The following CUL2 variants were observed in gnomAD, a reference collection of about 807,000 sequenced individuals.
CUL2 encodes the protein cullin 2.
CUL2 carries 22 observed loss-of-function variants against 110.2 expected under a neutral mutation model. The observed-to-expected ratio is 0.20, with a 90% CI of 0.14 to 0.28. The LOEUF is 0.28. Ranked by LOEUF, CUL2 falls within the 10% of genes least tolerant of loss-of-function variation. The pLI is 1.00. For missense variants in CUL2, 631 were observed against 905.5 expected, an observed-to-expected ratio of 0.70 and a Z score of 3.89; for synonymous variants, 279 against 293.2, an observed-to-expected ratio of 0.95 and a Z score of 0.49.
chr10:35,115,151 T>C (rs1178436275), intron 1 of CUL2, among the ~76,000 whole-genome samples: 1 of 145,676 alleles, frequency 6.9e-6, no homozygotes, highest in Non-Finnish European at 1.5e-5. Flanking sequence ...GGCAGGAGAT[T>C]CTCTTGAACC....
At chr10:35,076,946 G>A (rs1026436162) in intron 1 of CUL2, among the ~76,000 whole-genome samples, 7 of 152,056 alleles carry the variant, frequency 4.6e-5, no homozygotes, top group East Asian at 3.9e-4. Flanking sequence ...CAGCTACTCC[G>A]GAGGCTGAGG....
At chr10:35,089,628 T>A (rs1233713927) in intron 1 of CUL2, among the ~76,000 whole-genome samples, 1 of 152,210 alleles carries the variant, frequency 6.6e-6, no homozygotes, top group Non-Finnish European at 1.5e-5. Context: ...TGGTAGGGAA[T>A]GGTCCAGACT....
chr10:35,020,466 T>A (rs2134659336), intron 17 of CUL2, among the ~76,000 whole-genome samples: 1 of 152,368 alleles, frequency 6.6e-6, no homozygotes, highest in East Asian at 1.9e-4. Context: ...AGAATCGTTA[T>A]CTTTTAAGGT....
chr10:35,028,237 G>C (rs1387738782), intron 16 of CUL2, among the ~76,000 whole-genome samples: 2 of 152,224 alleles, frequency 1.3e-5, no homozygotes, highest in East Asian at 1.9e-4. Flanking sequence ...GAAGATGTAA[G>C]AAGTCCTAAT....
At chr10:35,076,577 G>A (rs746582051) in intron 1 of CUL2, among the ~76,000 whole-genome samples, 12 of 152,054 alleles carry the variant, frequency 7.9e-5, no homozygotes, top group Non-Finnish European at 1.5e-4. Context: ...TCCCGTGTAC[G>A]ACCTCATTGC....
intron 3 of CUL2, among the ~76,000 whole-genome samples, chr10:35,062,254 G>C (rs1485623792): frequency 6.6e-6 from 1 of 152,158 alleles, no homozygotes; most frequent in Non-Finnish European, 1.5e-5. Flanking sequence ...ACTGGTCACA[G>C]AGACAGCTTC....
At chr10:35,013,669 CA>C (rs763504408) in intron 19 of CUL2, 29 bp downstream of exon 19, 38 of 1,415,496 alleles carry the variant, frequency 2.7e-5, no homozygotes, top group Admixed American at 1.8e-4. Context: ...GTTTCCCCCT[CA>C]AAAAAAACTT....
intron 2 of CUL2, 34 bp downstream of exon 2, chr10:35,071,165 T>C: frequency 6.3e-7 from 1 of 1,598,752 alleles, no homozygotes. Flanking sequence ...TTATCAATTT[T>C]AGAACATTGA....
At chr10:35,049,219 T>C (rs905963676) in intron 6 of CUL2, among the ~76,000 whole-genome samples, 5 of 152,062 alleles carry the variant, frequency 3.3e-5, no homozygotes, top group Non-Finnish European at 7.4e-5. Context: ...GGGAAACCAT[T>C]TTCCCATAAA....
chr10:35,077,613 T>C (rs1358595518), intron 1 of CUL2, among the ~76,000 whole-genome samples: 1 of 150,582 alleles, frequency 6.6e-6, no homozygotes, highest in East Asian at 2.0e-4. Flanking sequence ...AGGTCACGAG[T>C]TCAAGACCAG....
chr10:35,076,146 TCTA>T (rs946188005), intron 1 of CUL2, among the ~76,000 whole-genome samples: 2 of 152,108 alleles, frequency 1.3e-5, no homozygotes, highest in African/African-American at 2.4e-5. Context: ...TCAAAAACAT[TCTA>T]CTAAGTGAAT....
chr10:35,023,214 T>C (rs938097190), intron 17 of CUL2, among the ~76,000 whole-genome samples: 2 of 152,172 alleles, frequency 1.3e-5, no homozygotes, highest in Admixed American at 1.3e-4. Flanking sequence ...TGTAAACAGA[T>C]ACAATTTTTA....
intron 1 of CUL2, among the ~76,000 whole-genome samples, chr10:35,086,136 C>T (rs1263177796): frequency 4.0e-5 from 6 of 151,666 alleles, no homozygotes; most frequent in African/African-American, 7.3e-5. Context: ...GAAGTGGAGG[C>T]TGCAGTGGGC....
intron 6 of CUL2, among the ~76,000 whole-genome samples, chr10:35,049,212 A>T (rs117795549): frequency 3.8e-3 from 572 of 152,318 alleles, no homozygotes; most frequent in Non-Finnish European, 5.4e-3. Flanking sequence ...GTAGAGTGGG[A>T]AACCATTTTC....
rs535407281 is a variant in CUL2 at position 35,014,576 on chromosome 10, TA to T, written c.1888-777del. 7.9e-3 allele frequency among the ~76,000 whole-genome samples: 1,200 copies of T among 152,298 alleles called. 20 individuals are homozygous for T. Among genetic ancestry groups the T allele is most frequent in the African/African-American group, 0.027 (1,127 of 41,550 alleles). ...GGCCAGGCATGGTGGCTCACGTCTG[TA>T]ATCCCACCACTTTGGGAGGCTGAGG... is the stretch of plus-strand genomic sequence containing the variant. On this transcript the variant is annotated intron_variant, in intron 18 of 20. Coordinates refer to ENST00000374749, the MANE Select transcript of CUL2 (RefSeq NM_003591.4).
chr10:35,046,410 A>G (rs534141027), intron 6 of CUL2, among the ~76,000 whole-genome samples: 6 of 152,340 alleles, frequency 3.9e-5, no homozygotes, highest in Admixed American at 3.9e-4. Context: ...AAACATCTAC[A>G]TATGTGTACA....
rs1323695373 is a variant in CUL2, at chr10:35,016,320, C to T, written c.1759G>A (p.Ala587Thr). The change falls in exon 18 of 21, where the codon GCC becomes ACC. Residue 587 changes from alanine to threonine, a missense_variant. Physicochemically the swap from Ala to Thr is moderately conservative, Grantham distance 58. Transcript: ENST00000374749. The stretch of plus-strand genomic sequence containing the variant: ...CTGACAGTTTCACTGTTGTTAAAGG[C>T]AAGAAGAACTGCCATTTGGTATGTT... Reference protein sequence around the residue: ...VTTYQMAVLLAFNNSETVSYK... With the variant: ...VTTYQMAVLLTFNNSETVSYK... 6.2e-7 allele frequency: 1 copy of T among 1,613,836 alleles called. No homozygotes were observed. Among genetic ancestry groups the T allele is most frequent in the Non-Finnish European group, 8.5e-7 (1 of 1,179,920 alleles).
intron 1 of CUL2, chr10:35,118,831 G>A (rs1409935923): frequency 6.6e-6 from 1 of 152,228 alleles, no homozygotes; most frequent in East Asian, 1.9e-4. Context: ...ATGTCAAAGT[G>A]CTTCCAGGAT....
intron 18 of CUL2, among the ~76,000 whole-genome samples, chr10:35,015,477 C>G (rs2085003171): frequency 6.6e-6 from 1 of 152,026 alleles, no homozygotes; most frequent in South Asian, 2.1e-4. Context: ...GAGAAATAAA[C>G]TGTAGGCTAT....
Sources: allele counts gnomAD v4.1 joint callset (sites outside exome capture counted in the v4.1 genomes callset), GRCh38; gene constraint gnomAD v4.1.1; transcripts MANE v1.5; gene names NCBI Gene and HGNC (gene_info 2026-07-23, HGNC 2026-07-21).